Variants in LPP observed in about 807,000 individuals in gnomAD.
The protein encoded by LPP is LIM domain containing preferred translocation partner in lipoma, also known as lipoma-preferred partner.
Under a neutral mutation model 60.4 loss-of-function variants are expected in LPP, and 38 were observed. The observed-to-expected ratio is 0.63, with a 90% CI of 0.49 to 0.83. The LOEUF is 0.83. Ranked by LOEUF, LPP falls within the 40% of genes least tolerant of loss-of-function variation. The pLI, the probability that LPP is intolerant of heterozygous loss-of-function variation, is 0.00. For synonymous variants in LPP, 328 were observed against 290.8 expected (o/e 1.13, Z -1.30); for missense variants, 902 against 783.6 (o/e 1.15, Z -1.80).
At chr3:188,596,443 G>A (rs1468142748) in intron 6 of LPP, among the ~76,000 whole-genome samples, 1 of 151,948 alleles carries the variant, frequency 6.6e-6, no homozygotes, top group African/African-American at 2.4e-5. Context: ...TACCTTTCTG[G>A]GATCCATTCC....
intron 9 of LPP, among the ~76,000 whole-genome samples, chr3:188,795,655 G>A (rs1745109361): frequency 6.6e-6 from 1 of 152,084 alleles, no homozygotes; most frequent in Non-Finnish European, 1.5e-5. Flanking sequence ...AGAGGAATTA[G>A]TTTGGTTCAA....
chr3:188,456,550 A>G (rs1220868439), intron 4 of LPP, among the ~76,000 whole-genome samples: 1 of 152,126 alleles, frequency 6.6e-6, no homozygotes, highest in Admixed American at 6.5e-5. Flanking sequence ...GTTAATTCTG[A>G]ATGGGGTTTG....
intron 2 of LPP, among the ~76,000 whole-genome samples, chr3:188,244,655 T>G (rs1270552600): frequency 6.6e-6 from 1 of 152,162 alleles, no homozygotes; most frequent in Non-Finnish European, 1.5e-5. Context: ...TGTATTAGAG[T>G]CAAAAGTATG....
chr3:188,330,821 A>AAGTC (rs1296007906), intron 2 of LPP, among the ~76,000 whole-genome samples: 55 of 148,338 alleles, frequency 3.7e-4, no homozygotes, highest in Non-Finnish European at 8.9e-5. Context: ...GCCTCAGAAT[A>AAGTC]AGTCAGTCAG....
intron 7 of LPP, among the ~76,000 whole-genome samples, chr3:188,671,509 C>T (rs1410190791): frequency 6.6e-6 from 1 of 152,134 alleles, no homozygotes; most frequent in Admixed American, 6.5e-5. Context: ...TCCCCTCCCC[C>T]TTTCCCTTAC....
At chr3:188,481,391 G>A (rs2149630015) in intron 4 of LPP, among the ~76,000 whole-genome samples, 1 of 152,314 alleles carries the variant, frequency 6.6e-6, no homozygotes, top group Admixed American at 6.5e-5. Context: ...AGATAATTAT[G>A]TGTTTATCAC....
chr3:188,727,904 C>T (rs571867875), intron 8 of LPP, among the ~76,000 whole-genome samples: 2 of 152,112 alleles, frequency 1.3e-5, no homozygotes, highest in African/African-American at 2.4e-5. Flanking sequence ...AATGAGGATG[C>T]TTTTCTCAAC....
intron 3 of LPP, among the ~76,000 whole-genome samples, chr3:188,384,628 A>G (rs1384859235): frequency 6.6e-6 from 1 of 151,884 alleles, no homozygotes; most frequent in African/African-American, 2.4e-5. Context: ...CGCCTCTACT[A>G]AAAATTCAAA....
chr3:188,671,471 A>G (rs1856947271), intron 7 of LPP, among the ~76,000 whole-genome samples: 1 of 152,126 alleles, frequency 6.6e-6, no homozygotes, highest in Admixed American at 6.5e-5. Flanking sequence ...TTTTCTATGC[A>G]AATCACAAAT....
intron 2 of LPP, among the ~76,000 whole-genome samples, chr3:188,299,064 G>A (rs1748870078): frequency 6.6e-6 from 1 of 152,188 alleles, no homozygotes; most frequent in African/African-American, 2.4e-5. Flanking sequence ...GCAGCAGATT[G>A]TATCAGAATC....
rs145773065 is a variant in LPP, at chr3:188,641,490, T to C, written c.1113+31646T>C. ...GGCAAGCACAGGTAGGAAAACAAAA[T>C]GAGATATGTTATGTTCAGCACAGTA... is the stretch of plus-strand genomic sequence containing the variant. On this transcript the variant is annotated intron_variant, in intron 7 of 11. Coordinates refer to ENST00000617246, the MANE Select transcript of LPP (RefSeq NM_001375462.1). Among the ~76,000 whole-genome samples the C allele has an allele frequency of 1.7e-4, 26 of 152,130 alleles. No individual in the cohort carries two copies. In the East Asian group the frequency reaches 5.0e-3, roughly 29 times the overall value.
chr3:188,702,581 G>A (rs568798005), intron 7 of LPP, among the ~76,000 whole-genome samples: 8 of 152,202 alleles, frequency 5.3e-5, no homozygotes, highest in East Asian at 1.9e-4. Flanking sequence ...TGGTAATCCC[G>A]TAGGAGATTT....
intron 7 of LPP, among the ~76,000 whole-genome samples, chr3:188,641,111 C>T (rs1270472006): frequency 6.6e-6 from 1 of 151,740 alleles, no homozygotes; most frequent in Non-Finnish European, 1.5e-5. Flanking sequence ...AATTAAGGCT[C>T]CACATTTCTG....
At chr3:188,478,540 C>G (rs1296025332) in intron 4 of LPP, among the ~76,000 whole-genome samples, 2 of 151,998 alleles carry the variant, frequency 1.3e-5, no homozygotes, top group Non-Finnish European at 2.9e-5. Flanking sequence ...ACTGTGTTAG[C>G]TGCTTTGATC....
intron 4 of LPP, among the ~76,000 whole-genome samples, chr3:188,452,966 A>G (rs1796932461): frequency 1.3e-5 from 2 of 152,162 alleles, no homozygotes; most frequent in Non-Finnish European, 2.9e-5. Flanking sequence ...GTCAGCCCAC[A>G]TGGCCATACA....
chr3:188,427,562 G>A (rs1439711011), intron 4 of LPP, among the ~76,000 whole-genome samples: 2 of 152,138 alleles, frequency 1.3e-5, no homozygotes, highest in East Asian at 1.9e-4. Flanking sequence ...ATGTTGGCCT[G>A]TCTTCCTGGG....
intron 5 of LPP, among the ~76,000 whole-genome samples, chr3:188,495,082 A>ATTTT (rs373434961): frequency 0.011 from 1,049 of 97,242 alleles, 90 homozygotes; most frequent in African/African-American, 0.04. Context: ...ATATATATAT[A>ATTTT]TTTTATTTAT....
chr3:188,721,430 T>C (rs1716337193), intron 8 of LPP, among the ~76,000 whole-genome samples: 1 of 152,084 alleles, frequency 6.6e-6, no homozygotes. Flanking sequence ...GATGCACATC[T>C]GTGGTTCCAG....
At chr3:188,309,890 CTGAG>C (rs1400228846) in intron 2 of LPP, among the ~76,000 whole-genome samples, 2 of 152,080 alleles carry the variant, frequency 1.3e-5, no homozygotes, top group African/African-American at 2.4e-5. Context: ...GAGTTCTGAT[CTGAG>C]TGAAATGTGA....
Sources: gnomAD v4.1 joint callset for allele counts (sites outside exome capture counted in the v4.1 genomes callset) on GRCh38, gnomAD v4.1.1 for gene constraint, MANE v1.5 for transcripts, NCBI Gene and HGNC (gene_info 2026-07-23, HGNC 2026-07-21) for gene names.